Variants in PRMT3 observed in about 807,000 individuals in gnomAD.
PRMT3 encodes the protein protein arginine methyltransferase 3.
PRMT3 carries 62 observed loss-of-function variants against 71.9 expected under a neutral mutation model. The ratio of observed to expected loss-of-function variants is 0.86; its 90% confidence interval spans 0.70 to 1.07. The LOEUF is 1.07. Ranked by LOEUF, PRMT3 falls within the 50% of genes least tolerant of loss-of-function variation. PRMT3 has a pLI of 0.00. For synonymous variants in PRMT3, 213 were observed against 220.4 expected, an observed-to-expected ratio of 0.97 and a Z score of 0.30; for missense variants, 663 against 643.0, an observed-to-expected ratio of 1.03 and a Z score of -0.34.
intron 7 of PRMT3, among the ~76,000 whole-genome samples, chr11:20,400,172 C>A (rs1848917762): frequency 6.6e-6 from 1 of 152,154 alleles, no homozygotes; most frequent in African/African-American, 2.4e-5. Context: ...TTTTATAAAT[C>A]ATTTAAAATT....
At position 20,387,990 on chromosome 11, in the gene PRMT3, C is replaced by T; in HGVS notation, c.29-29C>T. 6.2e-7 allele frequency: 1 copy of T among 1,613,038 alleles called. No individual in the cohort carries two copies. The highest frequency in any genetic ancestry group is 8.5e-7 in the Non-Finnish European group (1 of 1,179,614). ...CCCCGGGCCGCACCGGTGTCCGAGGCCGATCTGATTGTTGTGTGTGTGTGT... is the reference window on the plus strand; with the variant it reads ...CCCCGGGCCGCACCGGTGTCCGAGGTCGATCTGATTGTTGTGTGTGTGTGT... On this transcript the variant is annotated intron_variant, in intron 1 of 15. Transcript: ENST00000331079. The surrounding 1 kb of genome is among the most constrained non-coding windows in gnomAD (Gnocchi z 4.3).
chr11:20,415,894 TAAGC>T (rs1849294546), intron 9 of PRMT3, among the ~76,000 whole-genome samples: 2 of 152,196 alleles, frequency 1.3e-5, no homozygotes, highest in African/African-American at 4.8e-5. Flanking sequence ...TATAGAGATC[TAAGC>T]AAGAACTGAG....
chr11:20,421,983 T>C (rs1849436044), intron 9 of PRMT3, among the ~76,000 whole-genome samples: 1 of 152,224 alleles, frequency 6.6e-6, no homozygotes, highest in Admixed American at 6.5e-5. Context: ...GCCTACTCCT[T>C]CAGAAGGACT....
chr11:20,441,336 C>T (rs1027412844), intron 10 of PRMT3, among the ~76,000 whole-genome samples: 9 of 150,956 alleles, frequency 6.0e-5, no homozygotes, highest in South Asian at 2.1e-4. Flanking sequence ...GATGGAGTCT[C>T]GCTCTTTCGC....
intron 9 of PRMT3, among the ~76,000 whole-genome samples, chr11:20,422,253 C>T (rs1330393001): frequency 6.6e-6 from 1 of 151,804 alleles, no homozygotes; most frequent in Non-Finnish European, 1.5e-5. Context: ...CAGTGAATCA[C>T]CAGGCTTTTT....
intron 13 of PRMT3, among the ~76,000 whole-genome samples, chr11:20,487,040 G>T (rs1349590146): frequency 7.1e-6 from 1 of 141,268 alleles, no homozygotes; most frequent in Non-Finnish European, 1.5e-5. Context: ...CTGGGCAATA[G>T]AGTGAGACTC....
intron 13 of PRMT3, among the ~76,000 whole-genome samples, chr11:20,476,600 G>A (rs941919234): frequency 4.6e-5 from 7 of 152,092 alleles, no homozygotes; most frequent in African/African-American, 1.7e-4. Flanking sequence ...TTGAAGTATG[G>A]TAGTCACTTC....
At chr11:20,393,914 G>C (rs972692510) in intron 5 of PRMT3, 3 of 152,186 alleles carry the variant, frequency 2.0e-5, no homozygotes, top group Non-Finnish European at 4.4e-5. Context: ...GAAATATTTT[G>C]TTGTGCTGAT....
intron 13 of PRMT3, among the ~76,000 whole-genome samples, chr11:20,470,475 A>AACATGTGGT (rs1376024779): frequency 1.3e-5 from 2 of 152,164 alleles, no homozygotes; most frequent in African/African-American, 4.8e-5. Context: ...TATAAGTGAG[A>AACATGTGGT]ACATGTGGTG....
At chr11:20,480,224 T>G (rs1041128847) in intron 13 of PRMT3, among the ~76,000 whole-genome samples, 6 of 152,174 alleles carry the variant, frequency 3.9e-5, no homozygotes, top group Non-Finnish European at 8.8e-5. Flanking sequence ...TATCTTGATC[T>G]GGGTAGTGGT....
At chr11:20,463,077 G>A (rs1431006943) in intron 12 of PRMT3, among the ~76,000 whole-genome samples, 1 of 152,146 alleles carries the variant, frequency 6.6e-6, no homozygotes, top group Non-Finnish European at 1.5e-5. Flanking sequence ...TGTTGACCAG[G>A]ATGGTCTTGA....
At chr11:20,447,435 C>T (rs1483715033) in intron 10 of PRMT3, among the ~76,000 whole-genome samples, 1 of 151,942 alleles carries the variant, frequency 6.6e-6, no homozygotes, top group African/African-American at 2.4e-5. Context: ...ATTTATCTGG[C>T]CCAAAATGTC....
chr11:20,506,008 A>G (rs1224976693), intron 15 of PRMT3, among the ~76,000 whole-genome samples: 1 of 152,178 alleles, frequency 6.6e-6, no homozygotes, highest in African/African-American at 2.4e-5. Flanking sequence ...GGGTTCTGGA[A>G]TCAAACTGCC....
chr11:20,461,993 T>G lies in PRMT3; in HGVS notation c.1086T>G (p.Ile362Met), dbSNP rs1181688383. Residue 362 changes from isoleucine (I) to methionine (M), a missense_variant, in exon 12 of 16, where the codon ATT (isoleucine) becomes ATG (methionine). Ile to Met is a conservative substitution (Grantham distance 10, BLOSUM62 1). Transcript: ENST00000331079. ...TGTTTGTTACAGTCTACCCTGACAT[T>G]TGCACTATCAGCCTTGTAGCAGTGA... ...LAKGGSVYPD[I>M]CTISLVAVSD... 2 of 1,585,728 alleles carry G rather than the reference T, an allele frequency of 1.3e-6. No homozygotes were observed. The highest frequency in any genetic ancestry group is 4.5e-5 in the East Asian group (2 of 44,472).
At chr11:20,484,502 C>A (rs1376664491) in intron 13 of PRMT3, among the ~76,000 whole-genome samples, 5 of 152,074 alleles carry the variant, frequency 3.3e-5, no homozygotes, top group African/African-American at 4.8e-5. Context: ...GCAGGCCTTT[C>A]CTGTGCTGCT....
At chr11:20,493,612 G>A (rs1851261669) in intron 13 of PRMT3, among the ~76,000 whole-genome samples, 1 of 151,724 alleles carries the variant, frequency 6.6e-6, no homozygotes, top group Non-Finnish European at 1.5e-5. Flanking sequence ...GATCAGTGAG[G>A]GGCCAGCTGA....
At chr11:20,425,699 C>CA (rs1849530925) in intron 9 of PRMT3, among the ~76,000 whole-genome samples, 2 of 152,090 alleles carry the variant, frequency 1.3e-5, no homozygotes, top group African/African-American at 4.8e-5. Context: ...CTGTAAAATG[C>CA]AACTCTAATA....
chr11:20,418,018 ATAAT>A (rs1359007125), intron 9 of PRMT3, among the ~76,000 whole-genome samples: 1 of 152,144 alleles, frequency 6.6e-6, no homozygotes, highest in Admixed American at 6.5e-5. Context: ...TTCGTGCAAG[ATAAT>A]TAATCATGAT....
In PRMT3 at chr11:20,450,513, A is replaced by G. The variant is rs1057293727; in HGVS notation, c.994-1617A>G. ...GAACTAACTTGTAAGAATTTTACAT[A>G]TTACTGAAGTACTCTATCCAGAAAA... On this transcript the variant is annotated intron_variant, in intron 10 of 15. Transcript: ENST00000331079. Among the ~76,000 whole-genome samples the G allele has an allele frequency of 2.6e-5, 4 of 152,324 alleles. No individual in the cohort carries two copies. In the South Asian group the frequency reaches 8.3e-4, roughly 32 times the overall value.
Sources: allele counts gnomAD v4.1 joint callset (sites outside exome capture counted in the v4.1 genomes callset), GRCh38; gene constraint gnomAD v4.1.1; non-coding constraint Gnocchi (gnomAD v3.1); transcripts MANE v1.5; gene names NCBI Gene and HGNC (gene_info 2026-07-23, HGNC 2026-07-21).